Variants in PJA1 observed in about 807,000 individuals in gnomAD.
PJA1 encodes E3 ubiquitin-protein ligase Praja-1.
In PJA1, 5 loss-of-function variants were observed where a neutral mutation model predicts 14.1. The ratio of observed to expected loss-of-function variants is 0.35; its 90% CI spans 0.18 to 0.74. The LOEUF is 0.74. PJA1 is among the 30% of genes least tolerant of loss of function. The pLI is 0.56. For synonymous variants in PJA1, 174 were observed against 190.9 expected (o/e 0.91, Z 0.73); for missense variants, 394 against 482.6 (o/e 0.82, Z 1.72).
In PJA1 at chrX:69,165,363, T is replaced by TA. The variant is rs1320454191; in HGVS notation, c.-68+8_-68+9insT. The TA allele has an allele frequency of 8.9e-6, 1 of 112,688 alleles. No homozygotes were observed. Among genetic ancestry groups the TA allele is most frequent in the African/African-American group, 3.2e-5 (1 of 31,060 alleles). 9.3% of individuals were successfully genotyped at this position (112,688 alleles called of 1,213,427 possible). ...GATGAATCGAGGAAACAATCAGCCT[T>TA]TCACTCACCAAGTCCAGAAAGCCAC... On this transcript the variant is annotated intron_variant, in intron 1 of 1. Transcript: ENST00000374571.
Position 69,163,126 on chromosome X carries a change from G to A in PJA1, c.-53C>T, listed in dbSNP as rs770646174. 5.0e-6 allele frequency: 6 copies of A among 1,208,670 alleles called. No individual in the cohort carries two copies. The highest frequency in any genetic ancestry group is 4.4e-5 in the Admixed American group (2 of 45,597). ...GCTGGCAATCCTTTCCCGCTGGCTC[G>A]TGGGTGGCCTGAAACTGACATAAGC... On this transcript the variant is annotated 5_prime_UTR_variant, in exon 2 of 2. The change creates a new upstream start codon in the 5' untranslated region. Coordinates refer to ENST00000374571, the MANE Select transcript of PJA1 (RefSeq NM_001032396.4).
rs745524347 is a variant in PJA1 at position 69,161,951 on chromosome X, C to T, written c.1123G>A (p.Gly375Arg). 4.8e-5 allele frequency: 58 copies of T among 1,207,422 alleles called. No homozygotes were observed. Among genetic ancestry groups the T allele is most frequent in the East Asian group, 2.4e-4 (8 of 33,571 alleles). Residue 375 changes from glycine to arginine, a missense_variant, in exon 2 of 2, where the codon GGG becomes AGG. Transcript: ENST00000374571. Reference protein sequence around the residue: ...GASASAGAGAGASAGSNGSNY... With the variant: ...GASASAGAGARASAGSNGSNY... ...CTGCCATTGCTGCCAGCACTGGCCC[C>T]GGCGCCAGCCCCGGCACTGGCACTA...
Position 69,161,095 on chromosome X carries a change from G to T in PJA1, c.*212C>A. The T allele has an allele frequency of 1.9e-6, 1 of 534,145 alleles. No homozygotes were observed. Among genetic ancestry groups the T allele is most frequent in the Non-Finnish European group, 2.7e-6 (1 of 375,976 alleles). The allele number at this position is 534,145 out of a possible 1,213,427, so 44.0% of individuals were successfully genotyped here. ...TCTCAAGTAGCATTTAGAAAGTTTA[G>T]TTTTCCCTTTTCTAACCTCTAAAAG... On this transcript the variant is annotated 3_prime_UTR_variant, in exon 2 of 2. Coordinates refer to ENST00000374571, the MANE Select transcript of PJA1 (RefSeq NM_001032396.4).
At chrX:69,163,379 G>A in intron 1 of PJA1, 1 of 665,430 alleles carries the variant, frequency 1.5e-6, no homozygotes, top group Non-Finnish European at 2.2e-6. Flanking sequence ...TCAGCAGGCA[G>A]GTAACAGAAA....
At position 69,162,435 on chromosome X, in the gene PJA1, G is replaced by A. The variant is rs1925091496; in HGVS notation, c.639C>T (p.Cys213=). Residue 213 remains cysteine (C), a synonymous_variant, in exon 2 of 2, where the codon TGC becomes TGT. Transcript: ENST00000374571. ...TATCAAAAAAAATTTTTGGTTTCACGCAGTTTGGACTTGCCAGGTTTCTGA... is the reference window on the plus strand; with the variant it reads ...TATCAAAAAAAATTTTTGGTTTCACACAGTTTGGACTTGCCAGGTTTCTGA... ...PKIRNLASPN[C]VKPKIFFDTD... 1.7e-6 allele frequency: 2 copies of A among 1,209,263 alleles called. No individual in the cohort carries two copies. Among genetic ancestry groups the A allele is most frequent in the Non-Finnish European group, 2.2e-6 (2 of 895,165 alleles).
In PJA1 at chrX:69,162,399, A is replaced by G. The variant is rs74409945; in HGVS notation, c.675T>C (p.Asp225=). Residue 225 remains aspartate (D), a synonymous_variant, in exon 2 of 2, where the codon GAT becomes GAC. Coordinates refer to ENST00000374571, the MANE Select transcript of PJA1 (RefSeq NM_001032396.4). Reference sequence around the variant, plus strand: ...TGGAAGTACTGTGTGGCATATCGTCATCATCATCAGTATCAAAAAAAATTT... The same window carrying G: ...TGGAAGTACTGTGTGGCATATCGTCGTCATCATCAGTATCAAAAAAAATTT... The part of the protein sequence containing the change: ...KPKIFFDTDD[D]DDMPHSTSRW... 1,115 of 1,208,540 alleles carry G rather than the reference A, an allele frequency of 9.2e-4. 11 individuals are homozygous for G. The African/African-American group carries it at 0.017, about 18-fold the overall frequency.
chrX:69,164,714 T>G (rs1485017185), intron 1 of PJA1, among the ~76,000 whole-genome samples: 3 of 50,547 alleles, frequency 5.9e-5, no homozygotes, highest in Non-Finnish European at 1.0e-4. Context: ...GGAAGGCTTC[T>G]GTGCGGGGGC....
Position 69,162,574 on chromosome X carries a change from C to T in PJA1, c.500G>A (p.Arg167Lys). 2.5e-6 allele frequency: 3 copies of T among 1,211,406 alleles called. No homozygotes were observed. Among genetic ancestry groups the T allele is most frequent in the Non-Finnish European group, 3.4e-6 (3 of 895,519 alleles). The change falls in exon 2 of 2, where the codon AGG becomes AAG. Residue 167 changes from arginine to lysine, a missense_variant. Around this residue, in one of 2 missense-constraint regions of PJA1, gnomAD observed 378 missense variants for 439.3 expected, o/e 0.86. Coordinates refer to ENST00000374571, the MANE Select transcript of PJA1 (RefSeq NM_001032396.4). ...AGGTAAATTTTGCTCCCTTCTCTCC[C>T]TCTCCGAGCTGTCACCTTTTGTAGC... ...KLATKGDSSE[R>K]ERREQNLPAR...
In PJA1 at chrX:69,165,152, A is replaced by C. The variant is rs191630625; in HGVS notation, c.-68+220T>G. Among the ~76,000 whole-genome samples the C allele has an allele frequency of 6.5e-3, 721 of 111,458 alleles. 7 individuals are homozygous for C. The highest frequency in any genetic ancestry group is 0.022 in the African/African-American group (674 of 30,621). ...CACACCAAAGGGGTTCCGGCAGCGG[A>C]AGATGTGGCCCCAGAACAGGCCGAT... On this transcript the variant is annotated intron_variant, in intron 1 of 1. Coordinates refer to ENST00000374571, the MANE Select transcript of PJA1 (RefSeq NM_001032396.4).
Position 69,162,333 on chromosome X carries a change from A to T in PJA1, c.741T>A (p.Asp247Glu), listed in dbSNP as rs1452494428. ...DTANDNEGHS[D>E]GLARRGRGES... ...CGCCTCTCCCTCTTCTTGCCAGGCC[A>T]TCCGAGTGGCCCTCATTGTCATTGG... Residue 247 changes from aspartate (D) to glutamate (E), a missense_variant, in exon 2 of 2, where the codon GAT (aspartate) becomes GAA (glutamate). Coordinates refer to ENST00000374571, the MANE Select transcript of PJA1 (RefSeq NM_001032396.4). 7 of 1,211,066 alleles carry T rather than the reference A, an allele frequency of 5.8e-6. No homozygotes were observed. The Middle Eastern group carries it at 9.2e-4, about 159-fold the overall frequency.
chrX:69,164,387 T>C (rs1481855496), intron 1 of PJA1, among the ~76,000 whole-genome samples: 1 of 109,625 alleles, frequency 9.1e-6, no homozygotes, highest in African/African-American at 3.3e-5. Flanking sequence ...AATGAGCACA[T>C]GTGGCTACAT....
Position 69,161,651 on chromosome X carries a change from C to A in PJA1, c.1423G>T (p.Val475Leu). 1.7e-6 allele frequency: 2 copies of A among 1,211,740 alleles called. No homozygotes were observed. Among genetic ancestry groups the A allele is most frequent in the Non-Finnish European group, 2.2e-6 (2 of 895,505 alleles). ...GLGVAEAISY[V>L]DPQFLTYMAL... ...ATGTAGGTGAGGAACTGAGGGTCCA[C>A]ATAGGAAATGGCTTCAGCCACTCCT... Residue 475 changes from valine (V) to leucine (L), a missense_variant, in exon 2 of 2, where the codon GTG becomes TTG. Around this residue, in one of 2 missense-constraint regions of PJA1, gnomAD observed 378 missense variants for 439.3 expected, o/e 0.86. Coordinates refer to ENST00000374571, the MANE Select transcript of PJA1 (RefSeq NM_001032396.4).
Position 69,162,896 on chromosome X carries a change from A to G in PJA1, c.178T>C (p.Tyr60His). 8.3e-7 allele frequency: 1 copy of G among 1,211,369 alleles called. No individual in the cohort carries two copies. The highest frequency in any genetic ancestry group is 1.1e-6 in the Non-Finnish European group (1 of 895,510). ...GCCCCATAAGAGTCAATATGTCCAT[A>G]GGCCATTCCTCTTCTGCTACCCGAA... is the stretch of plus-strand genomic sequence containing the variant. The part of the protein sequence containing the change: ...RASGSRRGMA[Y>H]GHIDSYGADD... Residue 60 changes from tyrosine to histidine, a missense_variant, in exon 2 of 2, where the codon TAT becomes CAT. This residue lies in a region of PJA1 where 378 missense variants were observed against 439.3 expected (regional missense o/e 0.86). Transcript: ENST00000374571.
Position 69,161,187 on chromosome X carries a change from T to C in PJA1, c.*120A>G, listed in dbSNP as rs1234053434. The C allele has an allele frequency of 4.1e-6, 4 of 964,885 alleles. No individual in the cohort carries two copies. The South Asian group carries it at 1.0e-4, about 25-fold the overall frequency. 79.5% of individuals were successfully genotyped at this position (964,885 alleles called of 1,213,427 possible). ...ATTGGAAATAATCACGAGGAATCAA[T>C]AGGTTTAGGCTAACTGACTGATTGG... is the stretch of plus-strand genomic sequence containing the variant. On this transcript the variant is annotated 3_prime_UTR_variant, in exon 2 of 2. Coordinates refer to ENST00000374571, the MANE Select transcript of PJA1 (RefSeq NM_001032396.4).
At position 69,161,999 on chromosome X, in the gene PJA1, C is replaced by T. The variant is rs752730469; in HGVS notation, c.1075G>A (p.Gly359Ser). Reference sequence around the variant, plus strand: ...CTAGCACCGGGGCCAGGGCTGGTGCCAGTGCTGGCACTCACCTTAGCCTGT... The same window carrying T: ...CTAGCACCGGGGCCAGGGCTGGTGCTAGTGCTGGCACTCACCTTAGCCTGT... ...PPQAKVSAST[G>S]TSPGPGASAS... The change falls in exon 2 of 2, where the codon GGC becomes AGC. Residue 359 changes from glycine (G) to serine (S), a missense_variant. Gly to Ser is a moderately conservative substitution (Grantham distance 56). Around this residue, in one of 2 missense-constraint regions of PJA1, gnomAD observed 378 missense variants for 439.3 expected, o/e 0.86. Transcript: ENST00000374571. The T allele has an allele frequency of 6.0e-5, 72 of 1,207,831 alleles. No homozygotes were observed. The highest frequency in any genetic ancestry group is 7.0e-5 in the Non-Finnish European group (63 of 894,562).
At position 69,161,752 on chromosome X, in the gene PJA1, T is replaced by C; in HGVS notation, c.1322A>G (p.Asn441Ser). ...GCTCACACTGGAGTCATCTTCAAGGTTGTTGTTTCCATCCAGCATGAATAC... is the reference window on the plus strand; with the variant it reads ...GCTCACACTGGAGTCATCTTCAAGGCTGTTGTTTCCATCCAGCATGAATAC... ...PGVFMLDGNNNLEDDSSVSED... is the reference protein window; with the variant it reads ...PGVFMLDGNNSLEDDSSVSED... Residue 441 changes from asparagine to serine, a missense_variant, in exon 2 of 2, where the codon AAC (asparagine) becomes AGC (serine). Transcript: ENST00000374571. 8.3e-7 allele frequency: 1 copy of C among 1,211,472 alleles called. No individual in the cohort carries two copies. The highest frequency in any genetic ancestry group is 1.1e-6 in the Non-Finnish European group (1 of 895,451).
chrX:69,162,728 A>G lies in PJA1; in HGVS notation c.346T>C (p.Phe116Leu), dbSNP rs1158528559. The G allele has an allele frequency of 8.3e-7, 1 of 1,208,761 alleles. No homozygotes were observed. The change falls in exon 2 of 2, where the codon TTT becomes CTT. Residue 116 changes from phenylalanine (F) to leucine (L), a missense_variant. This residue lies in a region of PJA1 where 378 missense variants were observed against 439.3 expected (regional missense o/e 0.86). Coordinates refer to ENST00000374571, the MANE Select transcript of PJA1 (RefSeq NM_001032396.4). ...LAGPPPHFSS[F>L]SRDVREERDK... is the part of the protein sequence containing the mutation. ...CGCTCCTCTCTCACATCACGGCTAA[A>G]ACTAGAGAAATGTGGAGGTGGCCCA... is the stretch of plus-strand genomic sequence containing the variant.
chrX:69,163,165 T>C (rs759537878), intron 1 of PJA1, 25 bp from the exon 2 acceptor site: 95 of 1,208,556 alleles, frequency 7.9e-5, no homozygotes, highest in Non-Finnish European at 9.9e-5. Context: ...CCTTCTTCCA[T>C]ACCTCCTACC....
At position 69,162,081 on chromosome X, in the gene PJA1, C is replaced by T. The variant is rs754144606; in HGVS notation, c.993G>A (p.Leu331=). The T allele has an allele frequency of 3.3e-6, 4 of 1,209,038 alleles. No homozygotes were observed. The East Asian group carries it at 1.2e-4, about 36-fold the overall frequency. ...TCTCCCAGCTTTCGCCACTGGAGGA[C>T]AGGGTTTGCTCTCGGCTTCGATATT... ...RRKYRSREQT[L]SSSGESWETL... The change falls in exon 2 of 2, where the codon CTG becomes CTA. Residue 331 remains leucine, a synonymous_variant. Transcript: ENST00000374571.
Sources: gnomAD v4.1 joint callset for allele counts (sites outside exome capture counted in the v4.1 genomes callset) on GRCh38, gnomAD v4.1.1 for gene constraint, gnomAD v4.1.1 regional missense constraint, MANE v1.5 for transcripts, NCBI Gene and HGNC (gene_info 2026-07-23, HGNC 2026-07-21) for gene names.